GRIK2: variants seen among roughly 807,000 people sequenced by gnomAD.
GRIK2 encodes the protein glutamate ionotropic receptor kainate type subunit 2.
In GRIK2, 32 loss-of-function variants were observed where a neutral mutation model predicts 100.3. The ratio of observed to expected loss-of-function variants is 0.32; its 90% CI spans 0.24 to 0.43. The LOEUF is 0.43. Ranked by LOEUF, GRIK2 falls within the 20% of genes least tolerant of loss-of-function variation. GRIK2 has a pLI of 1.00. For missense variants in GRIK2, 843 were observed against 1,114.9 expected (o/e 0.76, Z 3.47); for synonymous variants, 417 against 389.4 (o/e 1.07, Z -0.83).
chr6:101,426,115 A>G (rs1197835674), intron 2 of GRIK2, among the ~76,000 whole-genome samples: 1 of 152,156 alleles, frequency 6.6e-6, no homozygotes, highest in African/African-American at 2.4e-5. Flanking sequence ...TCCTAATTCC[A>G]GTCTTTATTA....
chr6:101,826,796 C>T (rs561370136), intron 10 of GRIK2, among the ~76,000 whole-genome samples: 9 of 151,912 alleles, frequency 5.9e-5, no homozygotes, highest in African/African-American at 7.2e-5. Flanking sequence ...AAAAAAATGA[C>T]GTTTTTTCTT....
At chr6:101,532,059 C>T (rs1775468459) in intron 2 of GRIK2, among the ~76,000 whole-genome samples, 1 of 151,816 alleles carries the variant, frequency 6.6e-6, no homozygotes. Context: ...GCTGCAAAGA[C>T]TCTCAATTTC....
chr6:101,918,036 C>A (rs1327757846), intron 12 of GRIK2, among the ~76,000 whole-genome samples: 2 of 151,474 alleles, frequency 1.3e-5, no homozygotes, highest in East Asian at 3.9e-4. Context: ...CCATTTACTC[C>A]CATCTATAAA....
At chr6:101,895,067 C>A (rs545817411) in intron 12 of GRIK2, among the ~76,000 whole-genome samples, 3 of 151,538 alleles carry the variant, frequency 2.0e-5, no homozygotes, top group Non-Finnish European at 4.4e-5. Flanking sequence ...AATATGAGTA[C>A]TATTACATAA....
intron 2 of GRIK2, among the ~76,000 whole-genome samples, chr6:101,484,104 CA>C (rs1772686383): frequency 1.3e-5 from 2 of 152,128 alleles, no homozygotes; most frequent in Non-Finnish European, 2.9e-5. Context: ...TCATTTACAA[CA>C]GATAGTTTTA....
At chr6:101,844,285 C>T (rs1783682409) in intron 10 of GRIK2, among the ~76,000 whole-genome samples, 1 of 151,998 alleles carries the variant, frequency 6.6e-6, no homozygotes, top group African/African-American at 2.4e-5. Context: ...ATCTTATTTA[C>T]ACTATTACTC....
At chr6:101,857,783 G>A (rs1667609661) in intron 10 of GRIK2, among the ~76,000 whole-genome samples, 1 of 152,180 alleles carries the variant, frequency 6.6e-6, no homozygotes. Flanking sequence ...GAATCTTTTT[G>A]CACTTAGTTA....
At chr6:101,501,202 A>G (rs1773731061) in intron 2 of GRIK2, among the ~76,000 whole-genome samples, 1 of 152,140 alleles carries the variant, frequency 6.6e-6, no homozygotes. Context: ...GTGTGATTCT[A>G]TGCAAACAAA....
At chr6:101,893,604 C>A (rs773122834) in intron 12 of GRIK2, among the ~76,000 whole-genome samples, 3 of 151,646 alleles carry the variant, frequency 2.0e-5, no homozygotes, top group Non-Finnish European at 4.4e-5. Context: ...CAAACCACAC[C>A]TTTGATTGGT....
intron 12 of GRIK2, among the ~76,000 whole-genome samples, chr6:101,909,404 A>AT (rs1161100013): frequency 2.2e-4 from 15 of 69,430 alleles, no homozygotes; most frequent in Non-Finnish European, 3.4e-4. Flanking sequence ...TTTAAAGATC[A>AT]TTTGGGATTT....
Position 101,671,401 on chromosome 6 carries a change from A to C in GRIK2, c.542-5222A>C, listed in dbSNP as rs1387104654. Among the ~76,000 whole-genome samples the C allele has an allele frequency of 2.0e-5, 3 of 152,228 alleles. No individual in the cohort carries two copies. The East Asian group carries it at 5.8e-4, about 29-fold the overall frequency. ...CCTAGATGTTCCAAAACAAAAAAAA[A>C]AGTGAGAAGGGTAGCATTATTTTAT... is the stretch of plus-strand genomic sequence containing the variant. On this transcript the variant is annotated intron_variant, in intron 4 of 16. Transcript: ENST00000369134.
At chr6:101,973,843 AC>A (rs1390146980) in intron 14 of GRIK2, among the ~76,000 whole-genome samples, 3 of 151,970 alleles carry the variant, frequency 2.0e-5, no homozygotes, top group African/African-American at 7.2e-5. Flanking sequence ...ATTGTATAGC[AC>A]ATCTGATTGC....
intron 4 of GRIK2, among the ~76,000 whole-genome samples, chr6:101,630,522 T>C (rs1229822509): frequency 6.6e-6 from 1 of 152,088 alleles, no homozygotes; most frequent in South Asian, 2.1e-4. Context: ...TTTTGAGGAG[T>C]ATCTGTTCCT....
rs186225891 is a variant in GRIK2, at chr6:102,065,694, C to T, written c.2563-2653C>T. 68 of 636,184 alleles carry T rather than the reference C, an allele frequency of 1.1e-4. No homozygotes were observed. In the Middle Eastern group the frequency reaches 2.4e-3, roughly 23 times the overall value. The allele number at this position is 636,184 out of a possible 1,614,324, so 39.4% of individuals were successfully genotyped here. A position where few individuals can be genotyped will look rare whatever the true frequency, so the allele number is the denominator to read the frequency against. ...GTTTTAAATGAAGGTTTATTTCAAA[C>T]GATTCAATGTTACACGTCCTATAAC... On this transcript the variant is annotated intron_variant, in intron 16 of 16. Coordinates refer to ENST00000369134, the MANE Select transcript of GRIK2 (RefSeq NM_021956.5).
At chr6:101,530,329 T>G (rs1332869899) in intron 2 of GRIK2, among the ~76,000 whole-genome samples, 1 of 152,024 alleles carries the variant, frequency 6.6e-6, no homozygotes, top group East Asian at 1.9e-4. Context: ...TCTGTTTGAG[T>G]CATTTACAGC....
chr6:101,588,692 AAG>A (rs1412036790), intron 2 of GRIK2, among the ~76,000 whole-genome samples: 8 of 151,942 alleles, frequency 5.3e-5, no homozygotes, highest in Admixed American at 5.3e-4. Flanking sequence ...ACAGAAAAGA[AAG>A]AAAGAAGAAA....
chr6:101,791,193 G>A (rs1453938048), intron 7 of GRIK2, among the ~76,000 whole-genome samples: 3 of 152,028 alleles, frequency 2.0e-5, no homozygotes, highest in Admixed American at 6.6e-5. Flanking sequence ...AGGGTTTTTT[G>A]TGTGTCTATT....
chr6:101,474,227 T>C (rs761264582), intron 2 of GRIK2, among the ~76,000 whole-genome samples: 2 of 151,888 alleles, frequency 1.3e-5, no homozygotes, highest in Admixed American at 6.6e-5. Flanking sequence ...TTTAAAATAA[T>C]TGAACTGACT....
chr6:101,670,023 T>C (rs533668739), intron 4 of GRIK2, among the ~76,000 whole-genome samples: 2 of 152,254 alleles, frequency 1.3e-5, no homozygotes, highest in African/African-American at 4.8e-5. Flanking sequence ...TTAAAAATAA[T>C]GATTCTGCAT....
Sources: allele counts gnomAD v4.1 joint callset (sites outside exome capture counted in the v4.1 genomes callset), GRCh38; gene constraint gnomAD v4.1.1; transcripts MANE v1.5; gene names NCBI Gene and HGNC (gene_info 2026-07-23, HGNC 2026-07-21).